The following LMX1B variants were observed in gnomAD, a reference collection of about 807,000 sequenced individuals.
LMX1B encodes LIM homeobox transcription factor 1-beta.
Under a neutral mutation model 51.4 loss-of-function variants are expected in LMX1B, and 12 were observed. That is an observed-to-expected ratio of 0.23 (90% CI 0.15 to 0.38). The LOEUF (loss-of-function observed/expected upper bound fraction) is 0.38, where lower values mean the gene tolerates loss of function less well. Ranked by LOEUF, LMX1B falls within the 10% of genes least tolerant of loss-of-function variation. The pLI is 1.00. For missense variants in LMX1B, 445 were observed against 571.1 expected, an observed-to-expected ratio of 0.78 and a Z score of 2.25; for synonymous variants, 237 against 235.4, an observed-to-expected ratio of 1.01 and a Z score of -0.06.
Position 126,695,869 on chromosome 9 carries a change from T to C in LMX1B, c.917T>C (p.Met306Thr). The C allele has an allele frequency of 6.2e-7, 1 of 1,613,286 alleles. No homozygotes were observed. Among genetic ancestry groups the C allele is most frequent in the South Asian group, 1.1e-5 (1 of 91,068 alleles). The change falls in exon 7 of 8, where the codon ATG becomes ACG. Residue 306 changes from methionine (M) to threonine (T), a missense_variant. By Grantham distance (81) the Met-to-Thr change is moderately conservative (BLOSUM62 -1). Transcript: ENST00000373474. The surrounding 1 kb of genome is among the most constrained non-coding windows in gnomAD (Gnocchi z 5.2). The part of the protein sequence containing the change: ...EVLSSRMEGM[M>T]ASYTPLAPPQ... The stretch of plus-strand genomic sequence containing the variant: ...CTGTCCAGCCGCATGGAGGGCATGA[T>C]GGCTTCCTACACGCCGCTGGCCCCA...
At chr9:126,627,949 G>C (rs1835564790) in intron 2 of LMX1B, among the ~76,000 whole-genome samples, 3 of 152,182 alleles carry the variant, frequency 2.0e-5, no homozygotes. Flanking sequence ...CTGGGCCCAG[G>C]TCTCAGGGAT....
At chr9:126,659,289 C>T (rs564423493) in intron 2 of LMX1B, among the ~76,000 whole-genome samples, 1 of 152,342 alleles carries the variant, frequency 6.6e-6, no homozygotes, top group Non-Finnish European at 1.5e-5. Flanking sequence ...CTGGGCAGAA[C>T]GTGTCCAGGG....
rs1196250608 is a variant in LMX1B at position 126,658,086 on chromosome 9, C to G, written c.327-32750C>G. The stretch of plus-strand genomic sequence containing the variant: ...GGTCTTAGAAGAGGGGCCAAGGGAC[C>G]TGAGTGGGAACAACCAAGCCGGAGA... On this transcript the variant is annotated intron_variant, in intron 2 of 7. Transcript: ENST00000373474. This position sits in a 1 kb window ranked among gnomAD's most constrained non-coding sequence, Gnocchi z 4.0. Among the ~76,000 whole-genome samples, 1 of 151,900 alleles carries G rather than the reference C, an allele frequency of 6.6e-6. No homozygotes were observed. Among genetic ancestry groups the G allele is most frequent in the African/African-American group, 2.4e-5 (1 of 41,354 alleles).
At position 126,615,464 on chromosome 9, in the gene LMX1B, C is replaced by A; in HGVS notation, c.221C>A (p.Ser74Ter). The A allele has an allele frequency of 6.2e-7, 1 of 1,610,034 alleles. No homozygotes were observed. Among genetic ancestry groups the A allele is most frequent in the Non-Finnish European group, 8.5e-7 (1 of 1,178,216 alleles). ...CGCTTCCTGATGCGAGTCAACGAGT[C>A]GTCCTGGCACGAGGAGTGTTTGCAG... is the stretch of plus-strand genomic sequence containing the variant. ...SDRFLMRVNE[S>*]SWHEECLQCA... Residue 74 changes from serine to a stop codon, truncating the protein, a stop_gained, in exon 2 of 8, where the codon TCG becomes TAG. Coordinates refer to ENST00000373474, the MANE Select transcript of LMX1B (RefSeq NM_001174147.2). LOFTEE classifies it high-confidence loss of function. This position sits in a 1 kb window ranked among gnomAD's most constrained non-coding sequence, Gnocchi z 6.0.
At chr9:126,666,564 G>T (rs1289130801) in intron 2 of LMX1B, among the ~76,000 whole-genome samples, 1 of 117,538 alleles carries the variant, frequency 8.5e-6, no homozygotes, top group Non-Finnish European at 1.8e-5. Context: ...AGAAAAACAG[G>T]TTGTTAATAG....
chr9:126,651,064 A>T (rs1364522282), intron 2 of LMX1B, among the ~76,000 whole-genome samples: 2 of 152,070 alleles, frequency 1.3e-5, no homozygotes, highest in African/African-American at 2.4e-5. Context: ...ATGTGGGGAC[A>T]TGGGGACAGG....
intron 2 of LMX1B, among the ~76,000 whole-genome samples, chr9:126,639,781 C>T (rs914439192): frequency 6.6e-6 from 1 of 152,158 alleles, no homozygotes; most frequent in Non-Finnish European, 1.5e-5. Context: ...TTTAATGAGG[C>T]CCATGCGGTT....
chr9:126,648,480 C>T (rs112392611), intron 2 of LMX1B, among the ~76,000 whole-genome samples: 4 of 152,274 alleles, frequency 2.6e-5, no homozygotes, highest in African/African-American at 7.2e-5. Context: ...CTCAACTCCT[C>T]CCTCCTGTGA....
intron 2 of LMX1B, among the ~76,000 whole-genome samples, chr9:126,669,222 C>T (rs145915089): frequency 4.8e-5 from 7 of 144,434 alleles, no homozygotes; most frequent in African/African-American, 1.8e-4. Flanking sequence ...GATGGTGAGG[C>T]TGAAACAAGG....
chr9:126,619,316 G>A (rs945855668), intron 2 of LMX1B, among the ~76,000 whole-genome samples: 2 of 152,184 alleles, frequency 1.3e-5, no homozygotes, highest in Admixed American at 1.3e-4. Context: ...CCGCGTTCGG[G>A]TGTGGCCCAG....
chr9:126,645,551 A>G (rs1835884108), intron 2 of LMX1B, among the ~76,000 whole-genome samples: 1 of 152,176 alleles, frequency 6.6e-6, no homozygotes, highest in Non-Finnish European at 1.5e-5. Flanking sequence ...TGAACAACCT[A>G]CACAACCACA....
intron 3 of LMX1B, 147 bp downstream of exon 3, chr9:126,691,215 G>A (rs912823560): frequency 2.7e-5 from 17 of 634,254 alleles, no homozygotes; most frequent in African/African-American, 9.1e-5. Context: ...ATGCACACGC[G>A]CACTGACGTG....
Position 126,696,841 on chromosome 9 carries a change from T to G in LMX1B, c.*390T>G, listed in dbSNP as rs943775219. 1.7e-5 allele frequency: 5 copies of G among 297,644 alleles called. No individual in the cohort carries two copies. Among genetic ancestry groups the G allele is most frequent in the African/African-American group, 4.3e-5 (2 of 46,046 alleles). 18.4% of individuals were successfully genotyped at this position (297,644 alleles called of 1,614,324 possible). ...CTCCATGCAAGCCCCAGGACAATGG[T>G]GTCATGAGGCGGTGACCTGAGAAGC... On this transcript the variant is annotated 3_prime_UTR_variant, in exon 8 of 8. Coordinates refer to ENST00000373474, the MANE Select transcript of LMX1B (RefSeq NM_001174147.2).
chr9:126,639,444 C>T (rs1354065618), intron 2 of LMX1B, among the ~76,000 whole-genome samples: 1 of 152,242 alleles, frequency 6.6e-6, no homozygotes, highest in African/African-American at 2.4e-5. Context: ...TGGAGGGTCT[C>T]ACCCTAAGCT....
intron 2 of LMX1B, among the ~76,000 whole-genome samples, chr9:126,643,636 T>C (rs953653610): frequency 6.6e-6 from 1 of 152,074 alleles, no homozygotes; most frequent in Non-Finnish European, 1.5e-5. Context: ...GGGATGTCAT[T>C]AGTAATTATG....
intron 2 of LMX1B, among the ~76,000 whole-genome samples, chr9:126,632,680 G>C (rs1054183754): frequency 2.0e-5 from 3 of 152,184 alleles, no homozygotes; most frequent in Admixed American, 6.5e-5. Context: ...GGCACAGGGA[G>C]GGTCACAGAG....
rs113782126 is a variant in LMX1B, at chr9:126,693,055, A to T, written c.560-87A>T. The T allele has an allele frequency of 3.6e-6, 5 of 1,374,864 alleles. No individual in the cohort carries two copies. In the South Asian group the frequency reaches 6.7e-5, roughly 18 times the overall value. The allele number at this position is 1,374,864 out of a possible 1,614,324, so 85.2% of individuals were successfully genotyped here. A position where few individuals can be genotyped will look rare whatever the true frequency, so the allele number is the denominator to read the frequency against. On this transcript the variant is annotated intron_variant, in intron 3 of 7. Transcript: ENST00000373474. ...GTGTCAACAGAGGGGACAGGCTCCC[A>T]TCGGGCAGCAGGTTGCCGAAGGGGA... is the stretch of plus-strand genomic sequence containing the variant.
chr9:126,614,303 C>A lies in LMX1B; in HGVS notation c.-147C>A, dbSNP rs1189366665. 2.7e-6 allele frequency: 1 copy of A among 367,076 alleles called. No homozygotes were observed. Among genetic ancestry groups the A allele is most frequent in the African/African-American group, 2.2e-5 (1 of 44,662 alleles). The allele number at this position is 367,076 out of a possible 1,614,324, so 22.7% of individuals were successfully genotyped here. A position where few individuals can be genotyped will look rare whatever the true frequency, so the allele number is the denominator to read the frequency against. Reference sequence around the variant, plus strand: ...CCGGGGCCCGGGGCCAGCGCGTCGCCGCTCCACGATCGCCGGGGGCCGGCG... The same window carrying A: ...CCGGGGCCCGGGGCCAGCGCGTCGCAGCTCCACGATCGCCGGGGGCCGGCG... On this transcript the variant is annotated 5_prime_UTR_variant, in exon 1 of 8. Transcript: ENST00000373474.
At chr9:126,633,948 C>T (rs1276638678) in intron 2 of LMX1B, among the ~76,000 whole-genome samples, 1 of 152,172 alleles carries the variant, frequency 6.6e-6, no homozygotes, top group Non-Finnish European at 1.5e-5. Context: ...TGTGACCCCT[C>T]TGCCAGTTGG....
Sources: allele counts gnomAD v4.1 joint callset (sites outside exome capture counted in the v4.1 genomes callset), GRCh38; gene constraint gnomAD v4.1.1; non-coding constraint Gnocchi (gnomAD v3.1); transcripts MANE v1.5; gene names NCBI Gene and HGNC (gene_info 2026-07-23, HGNC 2026-07-21).